ENAH: variants seen among roughly 807,000 people sequenced by gnomAD.
ENAH encodes the protein protein enabled homolog.
ENAH carries 23 observed loss-of-function variants against 78.7 expected under a neutral mutation model. That is an observed-to-expected ratio of 0.29 (90% CI 0.21 to 0.41). ENAH has a LOEUF of 0.41. ENAH is among the 10% of genes least tolerant of loss of function. ENAH has a pLI of 1.00. For missense variants in ENAH, 544 were observed against 691.0 expected (o/e 0.79, Z 2.39); for synonymous variants, 226 against 241.0 (o/e 0.94, Z 0.58).
At chr1:225,528,579 T>C (rs1302267676) in intron 4 of ENAH, among the ~76,000 whole-genome samples, 2 of 152,066 alleles carry the variant, frequency 1.3e-5, no homozygotes, top group Non-Finnish European at 2.9e-5. Context: ...TCCCCAAAAT[T>C]CTACTAAAAT....
At chr1:225,530,695 G>GTT in intron 3 of ENAH, 57 bp from the exon 4 acceptor site, 1 of 1,304,904 alleles carries the variant, frequency 7.7e-7, no homozygotes, top group Non-Finnish European at 1.1e-6. Flanking sequence ...GCTGGACAGA[G>GTT]GAGATAAAAT....
In ENAH at chr1:225,539,834, C is replaced by T. The variant is rs527887060; in HGVS notation, c.350-9196G>A. 7.3e-4 allele frequency among the ~76,000 whole-genome samples: 111 copies of T among 152,274 alleles called. 1 individual carries two copies. Among genetic ancestry groups the T allele is most frequent in the African/African-American group, 2.5e-3 (104 of 41,550 alleles). ...TAATATTATTCTCTTGCTCAACTGG[C>T]GTGCCTCTTTTTGTACCAACTAGAA... On this transcript the variant is annotated intron_variant, in intron 3 of 13. Transcript: ENST00000366843.
In ENAH at chr1:225,524,203, T is replaced by C. The variant is rs533033704; in HGVS notation, c.435-4638A>G. ...TAGATGCACAAAGCATCAGCCCACA[T>C]TGAGATTAATAGCTTTTTAAATATA... On this transcript the variant is annotated intron_variant, in intron 4 of 13. Transcript: ENST00000366843. Among the ~76,000 whole-genome samples, 220 of 152,286 alleles carry C rather than the reference T, an allele frequency of 1.4e-3. 1 individual carries two copies. Among genetic ancestry groups the C allele is most frequent in the Non-Finnish European group, 2.8e-3 (192 of 68,010 alleles).
At chr1:225,505,195 A>G in intron 11 of ENAH, 2 of 536,380 alleles carry the variant, frequency 3.7e-6, no homozygotes, top group Non-Finnish European at 6.5e-6. Context: ...ATTTTTCCCC[A>G]ATAAAAGATA....
intron 3 of ENAH, among the ~76,000 whole-genome samples, chr1:225,535,844 CAA>C (rs140756981): frequency 0.043 from 6,545 of 151,984 alleles, 227 homozygotes; most frequent in South Asian, 0.11. Context: ...GTTATACGGT[CAA>C]AGAGTGCAAC....
intron 2 of ENAH, among the ~76,000 whole-genome samples, chr1:225,557,112 C>A (rs2096671190): frequency 6.6e-6 from 1 of 152,184 alleles, no homozygotes; most frequent in Non-Finnish European, 1.5e-5. Context: ...TGGCTCTTCT[C>A]AGTCCTTTGT....
intron 9 of ENAH, 147 bp from the exon 10 acceptor site, chr1:225,512,006 A>G (rs1281311174): frequency 5.6e-6 from 3 of 534,620 alleles, no homozygotes. Flanking sequence ...ATTTCAGCTT[A>G]GACTTTCTTC....
chr1:225,495,659 G>A lies in ENAH; in HGVS notation c.*2116C>T, dbSNP rs1019240028. ...TTACCCAACAAAATCAAAAGAGGTT[G>A]CTGACCAGATTTATAGGGGACATAA... is the stretch of plus-strand genomic sequence containing the variant. On this transcript the variant is annotated 3_prime_UTR_variant, in exon 14 of 14. Transcript: ENST00000366843. The A allele has an allele frequency of 2.6e-5, 4 of 152,552 alleles. No individual in the cohort carries two copies. The highest frequency in any genetic ancestry group is 5.9e-5 in the Non-Finnish European group (4 of 67,980). 9.4% of individuals were successfully genotyped at this position (152,552 alleles called of 1,614,324 possible).
intron 4 of ENAH, among the ~76,000 whole-genome samples, chr1:225,529,824 T>C (rs1260827337): frequency 6.6e-6 from 1 of 152,160 alleles, no homozygotes; most frequent in East Asian, 1.9e-4. Context: ...TTAATAAGTA[T>C]ATACACTGTC....
intron 1 of ENAH, among the ~76,000 whole-genome samples, chr1:225,603,137 C>A (rs561661046): frequency 6.6e-6 from 1 of 152,106 alleles, no homozygotes; most frequent in South Asian, 2.1e-4. Flanking sequence ...AAAAGGTACC[C>A]ACAAATCAAT....
intron 12 of ENAH, 81 bp from the exon 13 acceptor site, chr1:225,498,485 G>A: frequency 1.2e-6 from 1 of 862,262 alleles, no homozygotes; most frequent in Non-Finnish European, 1.8e-6. Context: ...TTTTAAGAAT[G>A]TCATGAAATA....
chr1:225,621,287 T>TTG (rs1270329979), intron 1 of ENAH, among the ~76,000 whole-genome samples: 31 of 150,504 alleles, frequency 2.1e-4, no homozygotes, highest in African/African-American at 6.8e-4. Context: ...CTTCTTTAAA[T>TTG]CTATCTCTCT....
intron 4 of ENAH, among the ~76,000 whole-genome samples, chr1:225,527,751 A>T (rs954563643): frequency 3.3e-5 from 5 of 152,154 alleles, no homozygotes; most frequent in African/African-American, 1.2e-4. Flanking sequence ...CCTTGCCTTT[A>T]CACACCTACT....
chr1:225,585,282 G>C (rs1165162453), intron 1 of ENAH, among the ~76,000 whole-genome samples: 1 of 137,600 alleles, frequency 7.3e-6, no homozygotes, highest in Non-Finnish European at 1.6e-5. Context: ...CACAGTATTA[G>C]TTGTAAATTT....
chr1:225,510,750 G>A (rs924079292), intron 10 of ENAH, among the ~76,000 whole-genome samples: 4 of 148,900 alleles, frequency 2.7e-5, no homozygotes, highest in South Asian at 2.2e-4. Flanking sequence ...TGTGGCTCAC[G>A]CCTGTAATCC....
intron 3 of ENAH, among the ~76,000 whole-genome samples, chr1:225,549,419 C>T (rs2096630958): frequency 6.6e-6 from 1 of 152,180 alleles, no homozygotes; most frequent in East Asian, 1.9e-4. Context: ...CCCAAACTGA[C>T]ACACCTGGTC....
chr1:225,550,067 GC>G (rs2096634161), intron 3 of ENAH, among the ~76,000 whole-genome samples: 1 of 152,112 alleles, frequency 6.6e-6, no homozygotes, highest in Non-Finnish European at 1.5e-5. Context: ...CTCTTGGGAT[GC>G]CCTGCTCCTG....
rs1157703310 is a variant in ENAH, at chr1:225,489,891, G to C, written c.*7884C>G. The C allele has an allele frequency of 6.6e-6, 1 of 152,232 alleles. No homozygotes were observed. Among genetic ancestry groups the C allele is most frequent in the African/African-American group, 2.4e-5 (1 of 41,426 alleles). The allele number at this position is 152,232 out of a possible 1,614,324, so 9.4% of individuals were successfully genotyped here. On this transcript the variant is annotated 3_prime_UTR_variant, in exon 14 of 14. Transcript: ENST00000366843. Reference sequence around the variant, plus strand: ...TTGAACCCGGGAGGCAGAGGTTGCAGTGAGCTGAAATCACACCACTGCACT... The same window carrying C: ...TTGAACCCGGGAGGCAGAGGTTGCACTGAGCTGAAATCACACCACTGCACT...
intron 11 of ENAH, among the ~76,000 whole-genome samples, chr1:225,504,298 C>G (rs780851399): frequency 1.3e-5 from 2 of 152,116 alleles, no homozygotes; most frequent in Admixed American, 6.5e-5. Context: ...TGTGAACCAC[C>G]AGGTGCTGGG....
Sources: gnomAD v4.1 joint callset for allele counts (sites outside exome capture counted in the v4.1 genomes callset) on GRCh38, gnomAD v4.1.1 for gene constraint, MANE v1.5 for transcripts, NCBI Gene and HGNC (gene_info 2026-07-23, HGNC 2026-07-21) for gene names.